The following MAX variants were observed in gnomAD, a reference collection of about 807,000 sequenced individuals.
MAX encodes the protein protein max.
In MAX, 3 loss-of-function variants were observed where a neutral mutation model predicts 22.3. The ratio of observed to expected loss-of-function variants is 0.13; its 90% confidence interval spans 0.06 to 0.35. MAX has a LOEUF of 0.35. Ranked by LOEUF, MAX falls within the 10% of genes least tolerant of loss-of-function variation. The pLI, the probability that MAX is intolerant of heterozygous loss-of-function variation, is 1.00. For synonymous variants in MAX, 72 were observed against 77.7 expected (o/e 0.93, Z 0.39); for missense variants, 119 against 209.4 (o/e 0.57, Z 2.66).
In MAX at chr14:65,102,347, G is replaced by C. The variant is rs1239420648; in HGVS notation, c.-8C>G. ...GTCATCGTTATCGCTCATTTCCTAC[G>C]GCCCAGGGAGCGGCCACTGCAGCGG... On this transcript the variant is annotated 5_prime_UTR_variant, in exon 1 of 5. Transcript: ENST00000358664. The C allele has an allele frequency of 1.9e-6, 3 of 1,613,614 alleles. No homozygotes were observed. The highest frequency in any genetic ancestry group is 1.1e-5 in the South Asian group (1 of 91,028).
downstream of MAX, among the ~76,000 whole-genome samples, chr14:65,074,411 A>G (rs567408246): frequency 2.4e-4 from 37 of 152,278 alleles, no homozygotes; most frequent in Middle Eastern, 3.4e-3. Context: ...AGCTCCCATT[A>G]AACAAAAAAA....
intron 3 of MAX, chr14:65,015,407 T>G: frequency 2.4e-6 from 1 of 413,822 alleles, no homozygotes; most frequent in Non-Finnish European, 4.3e-6. Context: ...CCAGCCTTGT[T>G]ATCTTTTTTT....
At position 65,093,060 on chromosome 14, in the gene MAX, C is replaced by CAA. The variant is rs920378696; in HGVS notation, c.171+646_171+647dup. 3.9e-5 allele frequency among the ~76,000 whole-genome samples: 6 copies of CAA among 152,204 alleles called. No individual in the cohort carries two copies. The highest frequency in any genetic ancestry group is 1.4e-4 in the African/African-American group (6 of 41,450). ...ACTCAAAGCTTCTAATTTTGTTTTT[C>CAA]AAATGTAGAAACAGCTGGTGCCTAG... is the stretch of plus-strand genomic sequence containing the variant. On this transcript the variant is annotated intron_variant, in intron 3 of 4. Transcript: ENST00000358664. The surrounding 1 kb of genome is among the most constrained non-coding windows in gnomAD (Gnocchi z 4.4).
intron 3 of MAX, among the ~76,000 whole-genome samples, chr14:65,067,442 C>T (rs1419388637): frequency 6.6e-6 from 1 of 152,182 alleles, no homozygotes; most frequent in Non-Finnish European, 1.5e-5. Context: ...CCACCCAGGA[C>T]ACTACATTAC....
At chr14:65,099,770 A>T (rs2063780147) in intron 2 of MAX, among the ~76,000 whole-genome samples, 1 of 152,240 alleles carries the variant, frequency 6.6e-6, no homozygotes, top group South Asian at 2.1e-4. Context: ...AAAGGAATTC[A>T]ATTTTCAAAT....
intron 3 of MAX, among the ~76,000 whole-genome samples, chr14:65,067,061 C>T (rs1344799863): frequency 1.3e-5 from 2 of 150,944 alleles, no homozygotes; most frequent in African/African-American, 4.9e-5. Flanking sequence ...TGGCACACAC[C>T]TGTGCTCACA....
Position 65,057,300 on chromosome 14 carries a change from G to A in MAX, c.171+36408C>T, listed in dbSNP as rs560378321. Among the ~76,000 whole-genome samples the A allele has an allele frequency of 5.9e-5, 9 of 152,192 alleles. No homozygotes were observed. The South Asian group carries it at 6.2e-4, about 11-fold the overall frequency. On this transcript the variant is annotated intron_variant, in intron 3 of 3. Transcript: ENST00000341653. ...GATTTTAGGCCAGATATGGTGGTTC[G>A]CACCTGTAAACCTAGCACTTTGGGA...
chr14:65,044,254 G>T lies in MAX; in HGVS notation c.172-37970C>A. ...CAGATTGACTCCTGGAGATTCTGTCGGGCTGGATTTTGTCTCTTTTAGCCT... is the reference window on the plus strand; with the variant it reads ...CAGATTGACTCCTGGAGATTCTGTCTGGCTGGATTTTGTCTCTTTTAGCCT... On this transcript the variant is annotated intron_variant, in intron 3 of 3. Coordinates refer to the MAX transcript ENST00000341653. The surrounding 1 kb of genome is among the most constrained non-coding windows in gnomAD (Gnocchi z 5.5). 6.2e-7 allele frequency: 1 copy of T among 1,606,450 alleles called. No individual in the cohort carries two copies. The highest frequency in any genetic ancestry group is 2.3e-5 in the East Asian group (1 of 44,196).
intron 3 of MAX, among the ~76,000 whole-genome samples, chr14:65,034,715 A>T (rs997064717): frequency 6.6e-6 from 1 of 151,792 alleles, no homozygotes; most frequent in Admixed American, 6.6e-5. Flanking sequence ...ATTTTTCTTC[A>T]TTTTGCTGTG....
intron 2 of MAX, among the ~76,000 whole-genome samples, chr14:65,099,559 C>CA (rs750934726): frequency 2.0e-4 from 30 of 146,712 alleles, no homozygotes; most frequent in Admixed American, 5.3e-4. Flanking sequence ...AACAAACAAA[C>CA]AAAAAAAACA....
Position 65,031,023 on chromosome 14 carries a change from G to A in MAX, c.172-24739C>T, listed in dbSNP as rs1051143889. Among the ~76,000 whole-genome samples, 1 of 152,006 alleles carries A rather than the reference G, an allele frequency of 6.6e-6. No homozygotes were observed. The highest frequency in any genetic ancestry group is 2.4e-5 in the African/African-American group (1 of 41,386). On this transcript the variant is annotated intron_variant, in intron 3 of 3. Coordinates refer to the MAX transcript ENST00000341653. This position sits in a 1 kb window ranked among gnomAD's most constrained non-coding sequence, Gnocchi z 4.6. Reference sequence around the variant, plus strand: ...AGGTCTCACCATGTTGGCCAGGCTAGTCTCGAACTCCTGACCTCAAATAAT... The same window carrying A: ...AGGTCTCACCATGTTGGCCAGGCTAATCTCGAACTCCTGACCTCAAATAAT...
chr14:65,056,620 G>A, intron 3 of MAX, among the ~76,000 whole-genome samples: 1 of 152,142 alleles, frequency 6.6e-6, no homozygotes, highest in East Asian at 1.9e-4. Flanking sequence ...CATTTGTGTT[G>A]TCTTCTGCGA....
In MAX at chr14:65,075,314, G is replaced by T. The variant is rs1414074203; in HGVS notation, c.*1162C>A. 2.8e-6 allele frequency: 3 copies of T among 1,062,244 alleles called. No individual in the cohort carries two copies. Among genetic ancestry groups the T allele is most frequent in the Admixed American group, 5.4e-5 (1 of 18,628 alleles). 65.8% of individuals were successfully genotyped at this position (1,062,244 alleles called of 1,614,324 possible). A position where few individuals can be genotyped will look rare whatever the true frequency, so the allele number is the denominator to read the frequency against. Reference sequence around the variant, plus strand: ...AGGAACGGAGTAGGAAAAAGACAAAGAAATGAGGCCTAAACACACAAAACC... The same window carrying T: ...AGGAACGGAGTAGGAAAAAGACAAATAAATGAGGCCTAAACACACAAAACC... On this transcript the variant is annotated 3_prime_UTR_variant, in exon 5 of 5. Transcript: ENST00000358664. The surrounding 1 kb of genome is among the most constrained non-coding windows in gnomAD (Gnocchi z 4.1).
Position 65,023,295 on chromosome 14 carries a change from G to A in MAX, c.172-17011C>T, listed in dbSNP as rs1007013955. On this transcript the variant is annotated intron_variant, in intron 3 of 3. Coordinates refer to the MAX transcript ENST00000341653. This position sits in a 1 kb window ranked among gnomAD's most constrained non-coding sequence, Gnocchi z 4.1. ...GCTGGCCTTGAACTCCTGAGCTCAA[G>A]TGATCCCCCTCACCTCAGCCAAAGT... is the stretch of plus-strand genomic sequence containing the variant. 6.6e-6 allele frequency among the ~76,000 whole-genome samples: 1 copy of A among 152,112 alleles called. No individual in the cohort carries two copies. The highest frequency in any genetic ancestry group is 2.4e-5 in the African/African-American group (1 of 41,416).
At position 65,030,367 on chromosome 14, in the gene MAX, A is replaced by G. The variant is rs1248648489; in HGVS notation, c.172-24083T>C. ...CTGCTAAAAATGCTGGTAGGATCAT[A>G]ATGCATGCAGCTTCTGCAGAGACTT... On this transcript the variant is annotated intron_variant, in intron 3 of 3. Transcript: ENST00000341653. This position sits in a 1 kb window ranked among gnomAD's most constrained non-coding sequence, Gnocchi z 4.5. 1.3e-5 allele frequency among the ~76,000 whole-genome samples: 2 copies of G among 152,226 alleles called. No homozygotes were observed. The highest frequency in any genetic ancestry group is 4.8e-5 in the African/African-American group (2 of 41,452).
At chr14:65,080,583 A>G (rs1011672038) in intron 3 of MAX, among the ~76,000 whole-genome samples, 2 of 152,166 alleles carry the variant, frequency 1.3e-5, no homozygotes, top group African/African-American at 4.8e-5. Context: ...GTAGCTGCAG[A>G]CACATTTCTC....
intron 3 of MAX, among the ~76,000 whole-genome samples, chr14:65,019,154 CAA>C (rs535881968): frequency 7.4e-4 from 113 of 151,908 alleles, no homozygotes; most frequent in South Asian, 1.7e-3. Flanking sequence ...GCCTGGGCAA[CAA>C]GAGTGAAACT....
At position 65,032,758 on chromosome 14, in the gene MAX, GA is replaced by G. The variant is rs2139592606; in HGVS notation, c.172-26475del. ...AGCAGGCGGTCACGACACTACTTCAGAAAAATAAAGAAAATGCAGAGGGACT... is the reference window on the plus strand; with the variant it reads ...AGCAGGCGGTCACGACACTACTTCAGAAAATAAAGAAAATGCAGAGGGACT... On this transcript the variant is annotated intron_variant, in intron 3 of 3. Coordinates refer to the MAX transcript ENST00000341653. The surrounding 1 kb of genome is among the most constrained non-coding windows in gnomAD (Gnocchi z 5.0). 6 of 1,489,464 alleles carry G rather than the reference GA, an allele frequency of 4.0e-6. No homozygotes were observed. The highest frequency in any genetic ancestry group is 5.5e-6 in the Non-Finnish European group (6 of 1,100,414). The allele number at this position is 1,489,464 out of a possible 1,614,324, so 92.3% of individuals were successfully genotyped here.
upstream of MAX, chr14:65,102,584 C>G: frequency 1.4e-6 from 2 of 1,424,206 alleles, no homozygotes; most frequent in Non-Finnish European, 1.8e-6. Flanking sequence ...GCTCGCAGCG[C>G]TGGGGCAGCC....
Sources: gnomAD v4.1 joint callset for allele counts (sites outside exome capture counted in the v4.1 genomes callset) on GRCh38, gnomAD v4.1.1 for gene constraint, Gnocchi (gnomAD v3.1) non-coding constraint, MANE v1.5 for transcripts, NCBI Gene and HGNC (gene_info 2026-07-23, HGNC 2026-07-21) for gene names.